CCDC178: variants seen among roughly 807,000 people sequenced by gnomAD.
The protein encoded by CCDC178 is coiled-coil domain-containing protein 178.
In CCDC178, 126 loss-of-function variants were observed where a neutral mutation model predicts 117.4. The observed-to-expected ratio is 1.07, with a 90% CI of 0.93 to 1.24. The LOEUF (loss-of-function observed/expected upper bound fraction) is 1.24. Among genes scored for constraint, CCDC178 ranks in the 50% most tolerant of loss-of-function variants. The pLI is 0.00. For synonymous variants in CCDC178, 283 were observed against 313.4 expected (o/e 0.90, Z 1.02); for missense variants, 1,030 against 986.9 (o/e 1.04, Z -0.59).
intron 20 of CCDC178, among the ~76,000 whole-genome samples, chr18:33,120,942 G>C (rs747192501): frequency 6.6e-6 from 1 of 152,086 alleles, no homozygotes; most frequent in African/African-American, 2.4e-5. Flanking sequence ...GCAGTATCAT[G>C]TTAGGTAATA....
At chr18:33,237,630 G>T (rs2144668225) in intron 15 of CCDC178, among the ~76,000 whole-genome samples, 1 of 150,432 alleles carries the variant, frequency 6.6e-6, no homozygotes, top group East Asian at 2.0e-4. Flanking sequence ...ACAACACCAT[G>T]GGCCACCTCT....
chr18:33,343,795 C>G (rs895119882), intron 9 of CCDC178, among the ~76,000 whole-genome samples: 9 of 152,104 alleles, frequency 5.9e-5, no homozygotes, highest in Non-Finnish European at 1.3e-4. Flanking sequence ...AAATATAATA[C>G]TTAACATTAA....
chr18:33,371,295 GTATA>G (rs765678420), intron 5 of CCDC178, among the ~76,000 whole-genome samples: 2 of 151,322 alleles, frequency 1.3e-5, no homozygotes, highest in African/African-American at 4.9e-5. Context: ...GTATATATGT[GTATA>G]TATATATAAA....
intron 21 of CCDC178, among the ~76,000 whole-genome samples, chr18:33,053,461 T>C (rs1171235966): frequency 4.6e-5 from 7 of 152,230 alleles, no homozygotes; most frequent in African/African-American, 9.6e-5. Flanking sequence ...ATGAAAACTG[T>C]ATTTTCTTCT....
intron 20 of CCDC178, among the ~76,000 whole-genome samples, chr18:33,195,332 A>C (rs1303607948): frequency 6.6e-6 from 1 of 152,028 alleles, no homozygotes; most frequent in Non-Finnish European, 1.5e-5. Flanking sequence ...TCATGGCCTT[A>C]AGTTAAAAAG....
intron 19 of CCDC178, among the ~76,000 whole-genome samples, chr18:33,213,332 CTCT>C (rs1295431430): frequency 6.6e-5 from 10 of 151,982 alleles, no homozygotes. Context: ...GGATGTGAGC[CTCT>C]TCTTCTACAG....
chr18:32,939,933 T>C (rs918708609), intron 22 of CCDC178, among the ~76,000 whole-genome samples: 1 of 152,188 alleles, frequency 6.6e-6, no homozygotes, highest in Non-Finnish European at 1.5e-5. Flanking sequence ...AAAATTTAAC[T>C]AGATGAAGCC....
chr18:33,081,052 C>T (rs945078727), intron 21 of CCDC178, among the ~76,000 whole-genome samples: 2 of 152,018 alleles, frequency 1.3e-5, no homozygotes, highest in Admixed American at 1.3e-4. Context: ...AGGTAACAAT[C>T]AGATATGGAA....
chr18:33,127,036 A>G (rs2058015547), intron 20 of CCDC178, among the ~76,000 whole-genome samples: 1 of 148,566 alleles, frequency 6.7e-6, no homozygotes, highest in Non-Finnish European at 1.5e-5. Context: ...ACACACACAC[A>G]CACATGGATC....
At chr18:33,329,014 ATCT>A (rs2062627558) in intron 10 of CCDC178, among the ~76,000 whole-genome samples, 1 of 152,034 alleles carries the variant, frequency 6.6e-6, no homozygotes, top group African/African-American at 2.4e-5. Context: ...TAAATCTTTC[ATCT>A]TCTTAAAATT....
chr18:33,267,346 C>G (rs1431236451), intron 12 of CCDC178, 49 bp from the exon 13 acceptor site: 1 of 1,046,374 alleles, frequency 9.6e-7, no homozygotes, highest in Non-Finnish European at 1.4e-6. Context: ...GCTTTTCATC[C>G]TTCCATAAGG....
intron 21 of CCDC178, among the ~76,000 whole-genome samples, chr18:33,043,889 T>C (rs1017221462): frequency 6.6e-6 from 1 of 151,714 alleles, no homozygotes; most frequent in Admixed American, 6.6e-5. Context: ...TAATTCAACT[T>C]GTAGCAATCA....
At chr18:33,264,994 C>T (rs903532039) in intron 14 of CCDC178, among the ~76,000 whole-genome samples, 4 of 152,034 alleles carry the variant, frequency 2.6e-5, no homozygotes, top group East Asian at 1.9e-4. Flanking sequence ...AGATCACCGA[C>T]TCTTCAGATG....
At chr18:33,086,441 CACACAT>C (rs991356652) in intron 21 of CCDC178, among the ~76,000 whole-genome samples, 17 of 150,630 alleles carry the variant, frequency 1.1e-4, no homozygotes, top group African/African-American at 4.1e-4. Context: ...CACACACACA[CACACAT>C]ATATATATAT....
At chr18:33,125,405 T>C (rs2144231134) in intron 20 of CCDC178, among the ~76,000 whole-genome samples, 1 of 152,238 alleles carries the variant, frequency 6.6e-6, no homozygotes, top group Middle Eastern at 3.4e-3. Flanking sequence ...CTTAACTGGT[T>C]TTAAAGAGTA....
At chr18:33,437,394 C>T (rs540809836) in intron 2 of CCDC178, among the ~76,000 whole-genome samples, 21 of 152,270 alleles carry the variant, frequency 1.4e-4, no homozygotes, top group South Asian at 2.1e-4. Flanking sequence ...GTCTGTTCAA[C>T]CATATTGTTG....
At chr18:33,310,682 T>G (rs1323345242) in intron 11 of CCDC178, among the ~76,000 whole-genome samples, 2 of 152,090 alleles carry the variant, frequency 1.3e-5, no homozygotes, top group Non-Finnish European at 2.9e-5. Flanking sequence ...TGAGACCCCC[T>G]CTGAAAAAAA....
chr18:33,268,087 T>C (rs1319866175), intron 12 of CCDC178, among the ~76,000 whole-genome samples: 2 of 151,806 alleles, frequency 1.3e-5, no homozygotes, highest in African/African-American at 4.8e-5. Flanking sequence ...TAATGTGTGT[T>C]CTCCCAACAT....
chr18:33,002,271 TG>T (rs1225961110), intron 21 of CCDC178, among the ~76,000 whole-genome samples: 3 of 152,100 alleles, frequency 2.0e-5, no homozygotes, highest in African/African-American at 7.2e-5. Context: ...ATAAACCAAT[TG>T]TGAGGCCACA....
Sources: gnomAD v4.1 joint callset for allele counts (sites outside exome capture counted in the v4.1 genomes callset) on GRCh38, gnomAD v4.1.1 for gene constraint, MANE v1.5 for transcripts, NCBI Gene and HGNC (gene_info 2026-07-23, HGNC 2026-07-21) for gene names.